Variants in USP16 observed in about 807,000 individuals in gnomAD.
USP16 encodes ubiquitin specific peptidase 16, also known as ubiquitin carboxyl-terminal hydrolase 16.
A neutral mutation model predicts 95.9 loss-of-function variants in USP16; 77 were observed. That is an observed-to-expected ratio of 0.80 (90% CI 0.67 to 0.97). The LOEUF (loss-of-function observed/expected upper bound fraction) is 0.97. Ranked by LOEUF, USP16 falls within the 50% of genes least tolerant of loss-of-function variation. The pLI, the probability that USP16 is intolerant of heterozygous loss-of-function variation, is 0.00. For synonymous variants in USP16, 303 were observed against 318.2 expected (o/e 0.95, Z 0.51); for missense variants, 943 against 959.9 (o/e 0.98, Z 0.23).
intron 4 of USP16, 80 bp from the exon 5 acceptor site, chr21:29,036,189 CTT>C: frequency 8.2e-7 from 1 of 1,223,330 alleles, no homozygotes; most frequent in Non-Finnish European, 1.2e-6. Context: ...CAGTTACACA[CTT>C]TGATTCCAGG....
chr21:29,032,166 T>C (rs2085086985), intron 3 of USP16, among the ~76,000 whole-genome samples: 1 of 152,214 alleles, frequency 6.6e-6, no homozygotes, highest in South Asian at 2.1e-4. Context: ...TTTCTAAATT[T>C]AGTCATTTCA....
Position 29,054,336 on chromosome 21 carries a change from A to AT in USP16, c.*150dup. ...GTTTATTTAAATATTGAAGGGAAAA[A>AT]TACCTAAAAATGTACAAAGGTTTTA... On this transcript the variant is annotated 3_prime_UTR_variant, in exon 18 of 18. Coordinates refer to ENST00000399976, the MANE Select transcript of USP16 (RefSeq NM_006447.3). 3 of 1,022,428 alleles carry AT rather than the reference A, an allele frequency of 2.9e-6. No individual in the cohort carries two copies. The highest frequency in any genetic ancestry group is 4.1e-6 in the Non-Finnish European group (3 of 725,106). 63.3% of individuals were successfully genotyped at this position (1,022,428 alleles called of 1,614,324 possible).
intron 11 of USP16, 98 bp from the exon 12 acceptor site, chr21:29,042,374 A>G: frequency 4.9e-6 from 6 of 1,221,340 alleles, no homozygotes; most frequent in Non-Finnish European, 6.9e-6. Flanking sequence ...TTATTTTAAA[A>G]CCCATCCCCT....
chr21:29,027,994 T>C lies in USP16; in HGVS notation c.61+20T>C. 1 of 1,554,302 alleles carries C rather than the reference T, an allele frequency of 6.4e-7. No individual in the cohort carries two copies. The highest frequency in any genetic ancestry group is 8.9e-7 in the Non-Finnish European group (1 of 1,126,708). On this transcript the variant is annotated intron_variant, in intron 2 of 17. Transcript: ENST00000399976. ...CTTTAGGTATATTTCATTGATTGAA[T>C]CTTTAATGTTTATATCTCTAAATGA...
In USP16 at chr21:29,042,117, C is replaced by A; in HGVS notation, c.1122+13C>A. The A allele has an allele frequency of 6.3e-7, 1 of 1,597,024 alleles. No individual in the cohort carries two copies. The highest frequency in any genetic ancestry group is 8.6e-7 in the Non-Finnish European group (1 of 1,168,766). ...TCAATGCAGAACTGTAAGTAGATGT[C>A]ATGTATACTGGGTTTATTTGCTAAT... On this transcript the variant is annotated intron_variant, in intron 11 of 17. Transcript: ENST00000399976.
At chr21:29,043,210 G>C (rs1222397075) in intron 12 of USP16, 2 of 328,828 alleles carry the variant, frequency 6.1e-6, no homozygotes, top group Non-Finnish European at 1.1e-5. Flanking sequence ...GTTGCCTTTT[G>C]CTGTTTTGTT....
chr21:29,045,958 A>C (rs2085315860), intron 13 of USP16, among the ~76,000 whole-genome samples: 1 of 151,818 alleles, frequency 6.6e-6, no homozygotes, highest in Admixed American at 6.6e-5. Flanking sequence ...GGCGCGCACC[A>C]CCCATGTGTG....
chr21:29,039,193 GTGAGATGC>G, intron 8 of USP16, 37 bp downstream of exon 8: 1 of 1,410,276 alleles, frequency 7.1e-7, no homozygotes, highest in Middle Eastern at 1.9e-4. Flanking sequence ...CAGTGCCTCA[GTGAGATGC>G]TGAGAAATAA....
chr21:29,041,505 C>A (rs1283138031), intron 10 of USP16, among the ~76,000 whole-genome samples: 1 of 152,042 alleles, frequency 6.6e-6, no homozygotes, highest in Admixed American at 6.6e-5. Flanking sequence ...GAAATATTTT[C>A]CTGAGGTTTT....
rs2146371746 is a variant in USP16 at position 29,036,353 on chromosome 21, A to G, written c.427A>G (p.Ser143Gly). 3.7e-6 allele frequency: 6 copies of G among 1,613,996 alleles called. No individual in the cohort carries two copies. Among genetic ancestry groups the G allele is most frequent in the Non-Finnish European group, 5.1e-6 (6 of 1,179,930 alleles). ...QVVDYVRKQA[S>G]ITTPKPAEKD... Reference sequence around the variant, plus strand: ...GGTTGATTATGTCAGAAAACAAGCCAGCATTACAACTCCAAAGCCAGGTAA... The same window carrying G: ...GGTTGATTATGTCAGAAAACAAGCCGGCATTACAACTCCAAAGCCAGGTAA... Residue 143 changes from serine to glycine, a missense_variant, in exon 5 of 18, where the codon AGC becomes GGC. By Grantham distance (56) the Ser-to-Gly change is moderately conservative. Transcript: ENST00000399976.
At chr21:29,053,599 CA>C in intron 16 of USP16, 1 of 489,600 alleles carries the variant, frequency 2.0e-6, no homozygotes, top group South Asian at 4.2e-5. Flanking sequence ...GCTTTTCTAC[CA>C]GGGGAACAAT....
At chr21:29,031,287 C>G (rs1168889848) in intron 3 of USP16, among the ~76,000 whole-genome samples, 2 of 152,156 alleles carry the variant, frequency 1.3e-5, no homozygotes, top group East Asian at 1.9e-4. Flanking sequence ...ATCACAGTAT[C>G]TACTCTACCA....
Position 29,036,358 on chromosome 21 carries a change from T to C in USP16, c.432T>C (p.Ile144=), listed in dbSNP as rs773503467. The C allele has an allele frequency of 2.2e-5, 36 of 1,613,868 alleles. No homozygotes were observed. Among genetic ancestry groups the C allele is most frequent in the Non-Finnish European group, 3.1e-5 (36 of 1,179,868 alleles). The part of the protein sequence containing the change: ...VVDYVRKQAS[I]TTPKPAEKDN... ...ATTATGTCAGAAAACAAGCCAGCATTACAACTCCAAAGCCAGGTAAAATAA... is the reference window on the plus strand; with the variant it reads ...ATTATGTCAGAAAACAAGCCAGCATCACAACTCCAAAGCCAGGTAAAATAA... The change falls in exon 5 of 18, where the codon ATT becomes ATC. Residue 144 remains isoleucine (I), a synonymous_variant. Transcript: ENST00000399976.
At chr21:29,041,316 T>C (rs2085240287) in intron 10 of USP16, among the ~76,000 whole-genome samples, 1 of 152,218 alleles carries the variant, frequency 6.6e-6, no homozygotes, top group Admixed American at 6.5e-5. Flanking sequence ...GAATTACCCC[T>C]GCTGGCATTT....
intron 16 of USP16, chr21:29,052,279 TAA>T (rs2085427315): frequency 6.6e-6 from 1 of 152,224 alleles, no homozygotes. Flanking sequence ...ATGCTGCTGA[TAA>T]AGATATACTG....
intron 15 of USP16, 56 bp from the exon 16 acceptor site, chr21:29,050,036 T>G: frequency 6.5e-7 from 1 of 1,532,836 alleles, no homozygotes; most frequent in Non-Finnish European, 8.9e-7. Context: ...TTCGGTTTAC[T>G]TAACCTGTAT....
intron 9 of USP16, 89 bp downstream of exon 9, chr21:29,039,657 G>A: frequency 2.3e-6 from 3 of 1,311,184 alleles, no homozygotes; most frequent in Non-Finnish European, 3.1e-6. Flanking sequence ...AACAATGAAA[G>A]CTAGTTATTA....
Position 29,043,589 on chromosome 21 carries a change from A to G in USP16, c.1346A>G (p.Lys449Arg), listed in dbSNP as rs753916870. 2 of 1,548,706 alleles carry G rather than the reference A, an allele frequency of 1.3e-6. No individual in the cohort carries two copies. Among genetic ancestry groups the G allele is most frequent in the Admixed American group, 4.4e-5 (2 of 45,894 alleles). Residue 449 changes from lysine to arginine, a missense_variant, in exon 13 of 18, where the codon AAG becomes AGG. Coordinates refer to ENST00000399976, the MANE Select transcript of USP16 (RefSeq NM_006447.3). Reference protein sequence around the residue: ...LQKKAKKQAKKQAKNQRRQQK... With the variant: ...LQKKAKKQAKRQAKNQRRQQK... ...AAAAAAGCAAAGAAACAAGCCAAAA[A>G]GCAAGCCAAGGTGGGTAATTAGGAG...
rs886153183 is a variant in USP16 at position 29,034,824 on chromosome 21, A to T, written c.241-13A>T. ...TTTTATGGCTTTGAGGTTTATGATT[A>T]TGATTTTTTTAGGGCTGTGGCAGAA... On this transcript the variant is annotated splice_polypyrimidine_tract_variant and intron_variant, in intron 3 of 17. Coordinates refer to ENST00000399976, the MANE Select transcript of USP16 (RefSeq NM_006447.3). 1.1e-5 allele frequency: 17 copies of T among 1,613,416 alleles called. No homozygotes were observed. Among genetic ancestry groups the T allele is most frequent in the African/African-American group, 1.3e-5 (1 of 74,854 alleles).
Sources: allele counts gnomAD v4.1 joint callset (sites outside exome capture counted in the v4.1 genomes callset), GRCh38; gene constraint gnomAD v4.1.1; transcripts MANE v1.5; gene names NCBI Gene and HGNC (gene_info 2026-07-23, HGNC 2026-07-21).